MBNL2: variants seen among roughly 807,000 people sequenced by gnomAD.
MBNL2 encodes the protein muscleblind-like protein 2.
A neutral mutation model predicts 41.9 loss-of-function variants in MBNL2; 17 were observed. The observed-to-expected ratio is 0.41, with a 90% confidence interval of 0.28 to 0.61. The LOEUF is 0.61. MBNL2 is among the 20% of genes least tolerant of loss of function. The pLI, the probability that MBNL2 is intolerant of heterozygous loss-of-function variation, is 0.35. For synonymous variants in MBNL2, 195 were observed against 182.9 expected (o/e 1.07, Z -0.53); for missense variants, 336 against 505.6 (o/e 0.66, Z 3.22).
chr13:97,238,178 A>G (rs1328258129), intron 1 of MBNL2, among the ~76,000 whole-genome samples: 1 of 152,230 alleles, frequency 6.6e-6, no homozygotes, highest in East Asian at 1.9e-4. Flanking sequence ...CCCAATGTAT[A>G]TTTGGAATTC....
chr13:97,184,008 G>C, the MBNL2 span, among the ~76,000 whole-genome samples: 1 of 152,202 alleles, frequency 6.6e-6, no homozygotes, highest in Non-Finnish European at 1.5e-5. Flanking sequence ...AATGGAGCTA[G>C]AGACTTCAGA....
the MBNL2 span, among the ~76,000 whole-genome samples, chr13:97,211,886 T>G: frequency 6.6e-6 from 1 of 152,310 alleles, no homozygotes; most frequent in Non-Finnish European, 1.5e-5. Context: ...TTATCAAGAC[T>G]ATATGCCGAG....
At chr13:97,308,435 C>T (rs1349647225) in intron 2 of MBNL2, among the ~76,000 whole-genome samples, 1 of 152,190 alleles carries the variant, frequency 6.6e-6, no homozygotes, top group Non-Finnish European at 1.5e-5. Flanking sequence ...CTCTGGCCAT[C>T]TGGGTATTTA....
At chr13:97,315,790 A>C (rs767645003) in intron 2 of MBNL2, among the ~76,000 whole-genome samples, 1 of 151,616 alleles carries the variant, frequency 6.6e-6, no homozygotes, top group East Asian at 1.9e-4. Flanking sequence ...GGCCTTGCTC[A>C]TGGGTGAGGA....
At chr13:97,221,408 A>C (rs936192193), upstream of MBNL2, 6 of 150,310 alleles carry the variant, frequency 4.0e-5, no homozygotes, top group Non-Finnish European at 8.9e-5. Flanking sequence ...AACCCTTCCT[A>C]AACTTTCTCT....
intron 2 of MBNL2, among the ~76,000 whole-genome samples, chr13:97,299,205 T>C (rs2057361525): frequency 1.3e-5 from 2 of 152,212 alleles, no homozygotes; most frequent in South Asian, 4.1e-4. Flanking sequence ...TTTAACATTC[T>C]TTCTGTGTTA....
Position 97,334,148 on chromosome 13 carries a change from C to CACACACACACACA in MBNL2, c.175-128_175-127insACACACACACACA, listed in dbSNP as rs2060676428. ...AACACATGAGCATGCGCGCGCACAC[C>CACACACACACACA]CACACACACACACACACACACACAC... On this transcript the variant is annotated intron_variant, in intron 2 of 8. Transcript: ENST00000679496. This position sits in a 1 kb window ranked among gnomAD's most constrained non-coding sequence, Gnocchi z 5.3. 1.6e-5 allele frequency: 9 copies of CACACACACACACA among 547,334 alleles called. No homozygotes were observed. The African/African-American group carries it at 1.8e-4, about 11-fold the overall frequency. 33.9% of individuals were successfully genotyped at this position (547,334 alleles called of 1,614,324 possible).
At chr13:97,222,812 TG>T (rs1259906019) in intron 1 of MBNL2, among the ~76,000 whole-genome samples, 3 of 152,244 alleles carry the variant, frequency 2.0e-5, no homozygotes, top group African/African-American at 7.2e-5. Context: ...TTGAATTCTT[TG>T]GAGCAATCTT....
At chr13:97,216,154 C>CT in the MBNL2 span, among the ~76,000 whole-genome samples, 4 of 151,670 alleles carry the variant, frequency 2.6e-5, no homozygotes, top group East Asian at 5.8e-4. Context: ...AACACCATAA[C>CT]TTTTTTTTTC....
At chr13:97,212,839 G>A in the MBNL2 span, among the ~76,000 whole-genome samples, 1 of 152,190 alleles carries the variant, frequency 6.6e-6, no homozygotes, top group Admixed American at 6.5e-5. Context: ...AAAGAGATGA[G>A]TAACACATTT....
chr13:97,332,142 C>T (rs1463804530), intron 2 of MBNL2, among the ~76,000 whole-genome samples: 1 of 152,174 alleles, frequency 6.6e-6, no homozygotes, highest in African/African-American at 2.4e-5. Context: ...CCCATCTGTG[C>T]ACCTTGAATA....
chr13:97,202,738 C>A, the MBNL2 span, among the ~76,000 whole-genome samples: 1 of 152,134 alleles, frequency 6.6e-6, no homozygotes, highest in African/African-American at 2.4e-5. Flanking sequence ...AACTGTAGAA[C>A]GTAGAACGGA....
At position 97,387,720 on chromosome 13, in the gene MBNL2, T is replaced by A. The variant is rs75470271; in HGVS notation, c.1049-3602T>A. On this transcript the variant is annotated intron_variant, in intron 8 of 8. Coordinates refer to ENST00000679496, the MANE Select transcript of MBNL2 (RefSeq NM_001382683.1). ...GTTTGTGCAAGCACTTTGTACATTGTGCAAGCCAGTTAAAATTATGCACGT... is the reference window on the plus strand; with the variant it reads ...GTTTGTGCAAGCACTTTGTACATTGAGCAAGCCAGTTAAAATTATGCACGT... Among the ~76,000 whole-genome samples the A allele has an allele frequency of 4.7e-4, 72 of 152,292 alleles. 2 individuals carry two copies. In the East Asian group the frequency reaches 0.014, roughly 29 times the overall value.
Position 97,222,384 on chromosome 13 carries a change from C to T in MBNL2, c.-752C>T, listed in dbSNP as rs974308459. On this transcript the variant is annotated 5_prime_UTR_variant, in exon 1 of 9. In the 5' UTR this introduces an upstream ATG that the reference lacks. Coordinates refer to ENST00000679496, the MANE Select transcript of MBNL2 (RefSeq NM_001382683.1). ...GGTAAAATTTTCCAGATACGGCAGACGGCTTTCAGAGTACAATAAACAGGG... is the reference window on the plus strand; with the variant it reads ...GGTAAAATTTTCCAGATACGGCAGATGGCTTTCAGAGTACAATAAACAGGG... The T allele has an allele frequency of 7.5e-6, 3 of 398,482 alleles. No individual in the cohort carries two copies. Among genetic ancestry groups the T allele is most frequent in the Admixed American group, 8.8e-5 (2 of 22,718 alleles). The allele number at this position is 398,482 out of a possible 1,614,324, so 24.7% of individuals were successfully genotyped here. A position where few individuals can be genotyped will look rare whatever the true frequency, so the allele number is the denominator to read the frequency against.
At chr13:97,359,616 G>A (rs1594263584) in intron 7 of MBNL2, among the ~76,000 whole-genome samples, 1 of 152,128 alleles carries the variant, frequency 6.6e-6, no homozygotes, top group East Asian at 1.9e-4. Flanking sequence ...GGACCCATAC[G>A]GCTACATTGG....
In MBNL2 at chr13:97,387,615, C is replaced by T. The variant is rs185616297; in HGVS notation, c.1049-3707C>T. ...GCTCTTTGGAACCTCTGTGTCCCGT[C>T]GCCCTATCTCAGACCGTCCCCATGC... On this transcript the variant is annotated intron_variant, in intron 8 of 8. Coordinates refer to ENST00000679496, the MANE Select transcript of MBNL2 (RefSeq NM_001382683.1). 3.9e-5 allele frequency among the ~76,000 whole-genome samples: 6 copies of T among 152,328 alleles called. No homozygotes were observed. The East Asian group carries it at 9.7e-4, about 25-fold the overall frequency.
chr13:97,323,548 AT>A (rs1234592022), intron 2 of MBNL2, among the ~76,000 whole-genome samples: 1 of 152,208 alleles, frequency 6.6e-6, no homozygotes, highest in Non-Finnish European at 1.5e-5. Flanking sequence ...GATTTAAAGT[AT>A]ATAGGAAGAT....
chr13:97,375,898 A>G (rs1281156200), intron 8 of MBNL2, among the ~76,000 whole-genome samples: 1 of 152,148 alleles, frequency 6.6e-6, no homozygotes, highest in Non-Finnish European at 1.5e-5. Flanking sequence ...GAGTGGGGTG[A>G]GTGGGAGACA....
intron 2 of MBNL2, among the ~76,000 whole-genome samples, chr13:97,302,051 A>G (rs1375671517): frequency 6.6e-6 from 1 of 152,102 alleles, no homozygotes; most frequent in East Asian, 1.9e-4. Flanking sequence ...TTCTGCAGCA[A>G]TTCCTCAGCA....
Sources: gnomAD v4.1 joint callset for allele counts (sites outside exome capture counted in the v4.1 genomes callset) on GRCh38, gnomAD v4.1.1 for gene constraint, Gnocchi (gnomAD v3.1) non-coding constraint, MANE v1.5 for transcripts, NCBI Gene and HGNC (gene_info 2026-07-23, HGNC 2026-07-21) for gene names.